ADAMTS19: variants seen among roughly 807,000 people sequenced by gnomAD.
ADAMTS19 encodes the protein A disintegrin and metalloproteinase with thrombospondin motifs 19.
ADAMTS19 carries 93 observed loss-of-function variants against 153.3 expected under a neutral mutation model. The observed-to-expected ratio is 0.61, with a 90% confidence interval of 0.51 to 0.72. The LOEUF (loss-of-function observed/expected upper bound fraction) is 0.72. ADAMTS19 is among the 30% of genes least tolerant of loss of function. The pLI is 0.00. For missense variants in ADAMTS19, 1,482 were observed against 1,552.1 expected, an observed-to-expected ratio of 0.95 and a Z score of 0.76; for synonymous variants, 600 against 556.6, an observed-to-expected ratio of 1.08 and a Z score of -1.10.
Position 129,694,781 on chromosome 5 carries a change from C to A in ADAMTS19, c.2880C>A (p.Asp960Glu). The change falls in exon 19 of 23, where the codon GAC becomes GAA. Residue 960 changes from aspartate (D) to glutamate (E), a missense_variant. Asp to Glu is a conservative substitution (Grantham distance 45, BLOSUM62 2). Around this residue, in one of 2 missense-constraint regions of ADAMTS19, gnomAD observed 616 missense variants for 724.4 expected, o/e 0.85. Coordinates refer to ENST00000274487, the MANE Select transcript of ADAMTS19 (RefSeq NM_133638.6). ...TGAGCAAAAATATCAGCATTGTGGA[C>A]AATGAGAAATGCAAATACTTAACCA... ...KIMSKNISIV[D>E]NEKCKYLTKP... 6.2e-7 allele frequency: 1 copy of A among 1,610,306 alleles called. No homozygotes were observed. The highest frequency in any genetic ancestry group is 2.2e-5 in the East Asian group (1 of 44,700).
At chr5:129,643,133 C>T (rs1237825644) in intron 11 of ADAMTS19, among the ~76,000 whole-genome samples, 1 of 151,690 alleles carries the variant, frequency 6.6e-6, no homozygotes. Context: ...AAGGAAAACA[C>T]AGTGTGTATA....
At chr5:129,734,023 G>A (rs998423012) in intron 21 of ADAMTS19, among the ~76,000 whole-genome samples, 13 of 151,364 alleles carry the variant, frequency 8.6e-5, no homozygotes, top group African/African-American at 3.2e-4. Context: ...ATGAAATTAT[G>A]TATTTCACAG....
At chr5:129,608,116 G>GTGTGTGTGTATATATATATATATATATA (rs377008786) in intron 8 of ADAMTS19, among the ~76,000 whole-genome samples, 5 of 47,954 alleles carry the variant, frequency 1.0e-4, no homozygotes, top group Admixed American at 2.8e-4. Flanking sequence ...GTGTGTGTGT[G>GTGTGTGTGTATATATATATATATATATA]TATATATATA....
At chr5:129,516,897 T>G (rs1751632977) in intron 3 of ADAMTS19, among the ~76,000 whole-genome samples, 1 of 150,010 alleles carries the variant, frequency 6.7e-6, no homozygotes, top group South Asian at 2.1e-4. Context: ...CCTTTTTTTT[T>G]TTTTTTTTCG....
chr5:129,465,415 A>T (rs13359525), intron 2 of ADAMTS19, among the ~76,000 whole-genome samples: 31,917 of 150,370 alleles, frequency 0.21, 5,636 homozygotes, highest in African/African-American at 0.48. Context: ...GACATGGCAG[A>T]CTACTTAGAT....
rs35948614 is a variant in ADAMTS19, at chr5:129,720,148, G to GTA, written c.3313-14762_3313-14761dup. On this transcript the variant is annotated intron_variant, in intron 21 of 22. Coordinates refer to ENST00000274487, the MANE Select transcript of ADAMTS19 (RefSeq NM_133638.6). ...TAATTTTAGGACAGTATGTGTGTAT[G>GTA]TATATATATATATATATATATATTT... Among the ~76,000 whole-genome samples the GTA allele has an allele frequency of 3.3e-3, 473 of 143,176 alleles. 5 individuals carry two copies. The highest frequency in any genetic ancestry group is 0.015 in the Middle Eastern group (4 of 274). 93.9% of individuals were successfully genotyped at this position (143,176 alleles called of 152,430 possible). A position where few individuals can be genotyped will look rare whatever the true frequency, so the allele number is the denominator to read the frequency against.
intron 7 of ADAMTS19, among the ~76,000 whole-genome samples, chr5:129,564,169 C>A (rs1753622593): frequency 6.6e-6 from 1 of 152,122 alleles, no homozygotes; most frequent in South Asian, 2.1e-4. Flanking sequence ...CAAAAACCTG[C>A]ATGAGTTTGT....
chr5:129,499,045 G>A (rs1751017651), intron 2 of ADAMTS19, among the ~76,000 whole-genome samples: 1 of 151,884 alleles, frequency 6.6e-6, no homozygotes, highest in Non-Finnish European at 1.5e-5. Context: ...TAATCATCAG[G>A]AAGTTACAAT....
At chr5:129,728,112 C>T (rs974473936) in intron 21 of ADAMTS19, among the ~76,000 whole-genome samples, 1 of 152,140 alleles carries the variant, frequency 6.6e-6, no homozygotes, top group Non-Finnish European at 1.5e-5. Context: ...TATGCATTAG[C>T]ATGCTAAAAG....
chr5:129,532,401 A>G (rs770159136), intron 6 of ADAMTS19, among the ~76,000 whole-genome samples: 60 of 152,216 alleles, frequency 3.9e-4, no homozygotes, highest in Non-Finnish European at 8.2e-4. Context: ...GAAAATGCAA[A>G]TTAAATTCAC....
intron 6 of ADAMTS19, among the ~76,000 whole-genome samples, chr5:129,538,264 A>C (rs59847164): frequency 0.035 from 5,263 of 152,232 alleles, 295 homozygotes; most frequent in African/African-American, 0.12. Flanking sequence ...AAGTATAGTT[A>C]ACATTTTAAA....
chr5:129,482,985 G>A (rs1373010570), intron 2 of ADAMTS19, among the ~76,000 whole-genome samples: 3 of 152,002 alleles, frequency 2.0e-5, no homozygotes, highest in African/African-American at 7.2e-5. Context: ...TAATATAAAT[G>A]GGATTACATA....
intron 7 of ADAMTS19, among the ~76,000 whole-genome samples, chr5:129,563,780 C>T (rs1753605692): frequency 1.3e-5 from 2 of 152,162 alleles, no homozygotes; most frequent in African/African-American, 4.8e-5. Context: ...GTGTGGTAGA[C>T]AGAATTCTAA....
At chr5:129,605,485 C>T (rs1284082029) in intron 8 of ADAMTS19, among the ~76,000 whole-genome samples, 1 of 152,170 alleles carries the variant, frequency 6.6e-6, no homozygotes, top group Non-Finnish European at 1.5e-5. Context: ...TTCTTTAGTT[C>T]TCCACTCACG....
At chr5:129,641,740 C>A in intron 10 of ADAMTS19, 119 bp from the exon 11 acceptor site, 1 of 504,066 alleles carries the variant, frequency 2.0e-6, no homozygotes, top group Non-Finnish European at 3.5e-6. Context: ...TTACCTAAAG[C>A]ATATTTTTCT....
Position 129,488,863 on chromosome 5 carries a change from C to T in ADAMTS19, c.748-20214C>T, listed in dbSNP as rs139713131. ...GTCACTTGATAGGAACATGCTAGTC[C>T]ATAAGGTCCTTATGGTCCCTAAGGT... is the stretch of plus-strand genomic sequence containing the variant. On this transcript the variant is annotated intron_variant, in intron 2 of 22. Transcript: ENST00000274487. 5.4e-3 allele frequency among the ~76,000 whole-genome samples: 820 copies of T among 152,126 alleles called. 8 individuals are homozygous for T. Among genetic ancestry groups the T allele is most frequent in the African/African-American group, 0.018 (762 of 41,536 alleles).
chr5:129,650,868 C>G (rs973544463), intron 13 of ADAMTS19, among the ~76,000 whole-genome samples: 3 of 152,176 alleles, frequency 2.0e-5, no homozygotes, highest in African/African-American at 4.8e-5. Flanking sequence ...ATATCCCAGC[C>G]CTTTGTGTTT....
intron 19 of ADAMTS19, among the ~76,000 whole-genome samples, chr5:129,701,070 A>G (rs1425144061): frequency 6.6e-6 from 1 of 151,542 alleles, no homozygotes; most frequent in East Asian, 1.9e-4. Context: ...TAATTGAATC[A>G]TGGGGGTGGG....
chr5:129,687,702 A>G (rs1305679865), intron 18 of ADAMTS19, among the ~76,000 whole-genome samples: 1 of 152,200 alleles, frequency 6.6e-6, no homozygotes, highest in Non-Finnish European at 1.5e-5. Context: ...CAGGATTAGA[A>G]TCAATGACTC....
Sources: gnomAD v4.1 joint callset for allele counts (sites outside exome capture counted in the v4.1 genomes callset) on GRCh38, gnomAD v4.1.1 for gene constraint, gnomAD v4.1.1 regional missense constraint, MANE v1.5 for transcripts, NCBI Gene and HGNC (gene_info 2026-07-23, HGNC 2026-07-21) for gene names.